The following HCN1 variants were observed in gnomAD, a reference collection of about 807,000 sequenced individuals.
The protein encoded by HCN1 is hyperpolarization activated cyclic nucleotide gated potassium channel 1, also known as potassium/sodium hyperpolarization-activated cyclic nucleotide-gated channel 1.
Under a neutral mutation model 78.9 loss-of-function variants are expected in HCN1, and 13 were observed. The observed-to-expected ratio is 0.16, with a 90% CI of 0.11 to 0.26. The LOEUF (loss-of-function observed/expected upper bound fraction) is 0.26. Ranked by LOEUF, HCN1 falls within the 10% of genes least tolerant of loss-of-function variation. HCN1 has a pLI of 1.00. For missense variants in HCN1, 810 were observed against 1,154.3 expected, an observed-to-expected ratio of 0.70 and a Z score of 4.32; for synonymous variants, 552 against 455.5, an observed-to-expected ratio of 1.21 and a Z score of -2.70.
chr5:45,510,708 G>A (rs1376332680), intron 2 of HCN1, among the ~76,000 whole-genome samples: 1 of 152,048 alleles, frequency 6.6e-6, no homozygotes, highest in Admixed American at 6.6e-5. Context: ...TTGTCAAACT[G>A]CTCTGTGTTC....
intron 2 of HCN1, among the ~76,000 whole-genome samples, chr5:45,601,221 G>A (rs1744614797): frequency 6.6e-6 from 1 of 152,092 alleles, no homozygotes; most frequent in Non-Finnish European, 1.5e-5. Context: ...GTCTTAATGA[G>A]TAGGTGTTTC....
At chr5:45,455,715 G>A (rs1741015325) in intron 3 of HCN1, among the ~76,000 whole-genome samples, 1 of 144,986 alleles carries the variant, frequency 6.9e-6, no homozygotes, top group Admixed American at 7.1e-5. Flanking sequence ...GTTAGGATAG[G>A]CTATGTTATG....
At chr5:45,545,529 A>G (rs1413287580) in intron 2 of HCN1, among the ~76,000 whole-genome samples, 1 of 152,128 alleles carries the variant, frequency 6.6e-6, no homozygotes, top group African/African-American at 2.4e-5. Flanking sequence ...GCCCATGCCT[A>G]TGTCCTGAAT....
At chr5:45,484,687 A>G (rs1741723375) in intron 2 of HCN1, among the ~76,000 whole-genome samples, 1 of 152,188 alleles carries the variant, frequency 6.6e-6, no homozygotes, top group African/African-American at 2.4e-5. Context: ...GACATTCCAC[A>G]TAACCCCTGG....
rs146523439 is a variant in HCN1 at position 45,255,589 on chromosome 5, A to G, written c.*6332T>C. The G allele has an allele frequency of 1.6e-4, 25 of 152,338 alleles. No individual in the cohort carries two copies. In the East Asian group the frequency reaches 4.2e-3, roughly 26 times the overall value. The allele number at this position is 152,338 out of a possible 1,614,324, so 9.4% of individuals were successfully genotyped here. The stretch of plus-strand genomic sequence containing the variant: ...TGCACATTTTAAACAGAATTGTAAT[A>G]TGTTAGGTTGGTAATAGATGTTAGA... On this transcript the variant is annotated 3_prime_UTR_variant, in exon 8 of 8. Transcript: ENST00000303230.
intron 2 of HCN1, among the ~76,000 whole-genome samples, chr5:45,622,921 C>A (rs1347668081): frequency 6.6e-6 from 1 of 152,126 alleles, no homozygotes; most frequent in East Asian, 1.9e-4. Context: ...GGCCTTTCTT[C>A]CATTAAGTGA....
chr5:45,492,014 T>C (rs1741894891), intron 2 of HCN1, among the ~76,000 whole-genome samples: 1 of 152,124 alleles, frequency 6.6e-6, no homozygotes, highest in Non-Finnish European at 1.5e-5. Flanking sequence ...AAACACTTCA[T>C]TTGTCCAACC....
At chr5:45,611,158 C>T (rs1436649464) in intron 2 of HCN1, among the ~76,000 whole-genome samples, 2 of 151,608 alleles carry the variant, frequency 1.3e-5, no homozygotes, top group Non-Finnish European at 2.9e-5. Flanking sequence ...TCAAGACATC[C>T]TCCTGACTCA....
intron 1 of HCN1, among the ~76,000 whole-genome samples, chr5:45,695,306 G>A (rs1344381977): frequency 6.6e-6 from 1 of 152,100 alleles, no homozygotes. Context: ...GCGAGGAAGG[G>A]TGGCTTCCCG....
intron 6 of HCN1, among the ~76,000 whole-genome samples, chr5:45,295,259 A>G (rs957311895): frequency 6.6e-6 from 1 of 152,058 alleles, no homozygotes; most frequent in Non-Finnish European, 1.5e-5. Context: ...ACCTTTTTGT[A>G]ACGTGGCTTA....
chr5:45,296,524 A>G (rs1745497673), intron 6 of HCN1, among the ~76,000 whole-genome samples: 1 of 151,934 alleles, frequency 6.6e-6, no homozygotes, highest in Non-Finnish European at 1.5e-5. Flanking sequence ...TAGAAGAAAG[A>G]TTGAAAAATC....
chr5:45,611,285 T>G (rs1744831826), intron 2 of HCN1, among the ~76,000 whole-genome samples: 1 of 146,004 alleles, frequency 6.8e-6, no homozygotes, highest in South Asian at 2.2e-4. Flanking sequence ...TTTTTTTTTT[T>G]TTTTGAGACG....
chr5:45,412,850 G>T (rs913464975), intron 3 of HCN1, among the ~76,000 whole-genome samples: 2 of 151,968 alleles, frequency 1.3e-5, no homozygotes, highest in Non-Finnish European at 2.9e-5. Flanking sequence ...GAACTGAATA[G>T]CATAAAAGTT....
chr5:45,372,912 A>T (rs1747450089), intron 4 of HCN1, among the ~76,000 whole-genome samples: 1 of 142,944 alleles, frequency 7.0e-6, no homozygotes, highest in Non-Finnish European at 1.5e-5. Flanking sequence ...TTCTATACAT[A>T]AAAATATACA....
chr5:45,552,499 T>C (rs1173697755), intron 2 of HCN1, among the ~76,000 whole-genome samples: 1 of 151,938 alleles, frequency 6.6e-6, no homozygotes, highest in Non-Finnish European at 1.5e-5. Context: ...AGTATTTCCA[T>C]CTATAAGTAT....
intron 2 of HCN1, chr5:45,575,004 G>A (rs1329956376): frequency 6.6e-6 from 1 of 152,176 alleles, no homozygotes. Context: ...GTCCAGAACA[G>A]AAAAGTGCAA....
At chr5:45,350,117 A>T (rs1746856764) in intron 5 of HCN1, among the ~76,000 whole-genome samples, 1 of 152,198 alleles carries the variant, frequency 6.6e-6, no homozygotes, top group Non-Finnish European at 1.5e-5. Context: ...TTGATGCAAA[A>T]AGCCTCAATA....
At chr5:45,545,304 T>G (rs570354498) in intron 2 of HCN1, among the ~76,000 whole-genome samples, 4 of 152,212 alleles carry the variant, frequency 2.6e-5, no homozygotes, top group Non-Finnish European at 5.9e-5. Flanking sequence ...TTTGATTTTT[T>G]TCTTATAAAT....
At chr5:45,278,252 C>G (rs1745102348) in intron 6 of HCN1, among the ~76,000 whole-genome samples, 2 of 152,132 alleles carry the variant, frequency 1.3e-5, no homozygotes, top group Admixed American at 6.6e-5. Flanking sequence ...ATGAGTTCTT[C>G]AAGTTCAGTA....
Sources: allele counts gnomAD v4.1 joint callset (sites outside exome capture counted in the v4.1 genomes callset), GRCh38; gene constraint gnomAD v4.1.1; transcripts MANE v1.5; gene names NCBI Gene and HGNC (gene_info 2026-07-23, HGNC 2026-07-21).